Variants in APC observed in about 807,000 individuals in gnomAD.
APC encodes the protein APC regulator of Wnt signaling pathway, also known as adenomatous polyposis coli protein.
In APC, 72 loss-of-function variants were observed where a neutral mutation model predicts 247.0. The observed-to-expected ratio is 0.29, with a 90% CI of 0.24 to 0.35. APC has a LOEUF of 0.35. Ranked by LOEUF, APC falls within the 10% of genes least tolerant of loss-of-function variation. The pLI is 1.00. For synonymous variants in APC, 1,254 were observed against 1,162.5 expected (o/e 1.08, Z -1.60); for missense variants, 3,400 against 3,360.7 (o/e 1.01, Z -0.29).
intron 1 of APC, among the ~76,000 whole-genome samples, chr5:112,710,631 G>C (rs748824450): frequency 3.3e-5 from 5 of 152,180 alleles, no homozygotes; most frequent in Admixed American, 6.5e-5. Flanking sequence ...TAAAGCTTGA[G>C]TCTGCTATGC....
upstream of APC, among the ~76,000 whole-genome samples, chr5:112,733,881 T>G (rs1752227716): frequency 6.6e-6 from 1 of 152,188 alleles, no homozygotes; most frequent in African/African-American, 2.4e-5. Flanking sequence ...AGCAAAAGTG[T>G]GAAGAACTAT....
At chr5:112,792,420 T>A (rs779066167) in intron 6 of APC, 26 bp from the exon 7 acceptor site, 3 of 1,508,422 alleles carry the variant, frequency 2.0e-6, no homozygotes, top group Non-Finnish European at 2.7e-6. Context: ...AAAACATAAC[T>A]AATTAGGTTT....
chr5:112,829,425 C>T (rs922145284), intron 14 of APC: 1 of 174,368 alleles, frequency 5.7e-6, no homozygotes, highest in South Asian at 1.3e-4. Context: ...CGCAAGCCAT[C>T]ACGCCCAGCC....
intron 2 of APC, among the ~76,000 whole-genome samples, chr5:112,762,117 A>T (rs1420944099): frequency 6.6e-6 from 1 of 152,212 alleles, no homozygotes; most frequent in Non-Finnish European, 1.5e-5. Context: ...AAAAAGAAAG[A>T]TAAATGGCAG....
chr5:112,733,149 G>T (rs904347221), upstream of APC, among the ~76,000 whole-genome samples: 1 of 152,192 alleles, frequency 6.6e-6, no homozygotes, highest in African/African-American at 2.4e-5. Flanking sequence ...GAAACTATAA[G>T]TTTTAGAAAG....
intron 1 of APC, among the ~76,000 whole-genome samples, chr5:112,712,958 G>A (rs1750942785): frequency 6.6e-6 from 1 of 152,100 alleles, no homozygotes. Flanking sequence ...ATCACTTGAG[G>A]TTAGGAGTTT....
chr5:112,786,302 A>G (rs1413317282), intron 6 of APC, among the ~76,000 whole-genome samples: 2 of 152,242 alleles, frequency 1.3e-5, no homozygotes, highest in Non-Finnish European at 1.5e-5. Context: ...AGTTCATTAA[A>G]AAGATGGCAA....
In APC at chr5:112,839,217, C is replaced by T. The variant is rs752590375; in HGVS notation, c.3623C>T (p.Thr1208Ile). The part of the protein sequence containing the change: ...SKSSSGQSSK[T>I]EHMSSSSENT... ...AGTTCATCTGGACAAAGCAGTAAAA[C>T]CGAACATATGTCTTCAAGCAGTGAG... The change falls in exon 16 of 16, where the codon ACC (threonine) becomes ATC (isoleucine). Residue 1208 changes from threonine (T) to isoleucine (I), a missense_variant. Physicochemically the swap from Thr to Ile is moderately conservative, Grantham distance 89. Transcript: ENST00000257430. This position sits in a 1 kb window ranked among gnomAD's most constrained non-coding sequence, Gnocchi z 5.0. The T allele has an allele frequency of 8.7e-6, 14 of 1,614,008 alleles. No individual in the cohort carries two copies. Among genetic ancestry groups the T allele is most frequent in the Non-Finnish European group, 1.2e-5 (14 of 1,180,030 alleles).
At position 112,844,183 on chromosome 5, in the gene APC, C is replaced by T. The variant is rs1247376356; in HGVS notation, c.*57C>T. On this transcript the variant is annotated 3_prime_UTR_variant, in exon 16 of 16. Transcript: ENST00000257430. Reference sequence around the variant, plus strand: ...ATGTTAATTACAACTGCTATATAGACATTTTGTTTCAAATGAAACTTTAAA... The same window carrying T: ...ATGTTAATTACAACTGCTATATAGATATTTTGTTTCAAATGAAACTTTAAA... 3.4e-6 allele frequency: 5 copies of T among 1,455,266 alleles called. No individual in the cohort carries two copies. Among genetic ancestry groups the T allele is most frequent in the Non-Finnish European group, 4.7e-6 (5 of 1,059,248 alleles). 90.1% of individuals were successfully genotyped at this position (1,455,266 alleles called of 1,614,324 possible).
intron 14 of APC, among the ~76,000 whole-genome samples, chr5:112,832,643 C>G (rs1392799624): frequency 6.6e-6 from 1 of 152,178 alleles, no homozygotes; most frequent in African/African-American, 2.4e-5. Flanking sequence ...TCAGTACTCC[C>G]GCGCTGATTC....
Position 112,843,609 on chromosome 5 carries a change from G to A in APC, c.8015G>A (p.Gly2672Glu), listed in dbSNP as rs761802169. 3.7e-6 allele frequency: 6 copies of A among 1,613,838 alleles called. No individual in the cohort carries two copies. In the South Asian group the frequency reaches 6.6e-5, roughly 18 times the overall value. ...EDCPINNPRSGRSPTGNTPPV... is the reference protein window; with the variant it reads ...EDCPINNPRSERSPTGNTPPV... ...TGTCCCATTAACAATCCTAGATCTG[G>A]AAGATCTCCCACAGGTAATACTCCC... The change falls in exon 16 of 16, where the codon GGA (glycine) becomes GAA (glutamate). Residue 2672 changes from glycine (G) to glutamate (E), a missense_variant. Gly to Glu is a moderately conservative substitution (Grantham distance 98). Transcript: ENST00000257430. This position sits in a 1 kb window ranked among gnomAD's most constrained non-coding sequence, Gnocchi z 4.8.
At chr5:112,821,850 C>A in intron 10 of APC, 46 bp from the exon 11 acceptor site, 1 of 1,452,332 alleles carries the variant, frequency 6.9e-7, no homozygotes, top group South Asian at 1.1e-5. Context: ...CATCATTGCT[C>A]TTCAAATAAC....
chr5:112,811,945 A>G (rs993752597), intron 8 of APC, among the ~76,000 whole-genome samples: 2 of 152,096 alleles, frequency 1.3e-5, no homozygotes, highest in African/African-American at 2.4e-5. Context: ...ATCTGCTTCT[A>G]AGTTCACTTA....
chr5:112,770,999 T>C (rs1382990546), intron 4 of APC, among the ~76,000 whole-genome samples: 2 of 152,110 alleles, frequency 1.3e-5, no homozygotes, highest in African/African-American at 4.8e-5. Flanking sequence ...TACATCATAC[T>C]ATATATATTT....
intron 15 of APC, among the ~76,000 whole-genome samples, 172 bp downstream of exon 15, chr5:112,835,337 T>A (rs1419730998): frequency 3.9e-5 from 6 of 152,190 alleles, no homozygotes; most frequent in Admixed American, 3.3e-4. Context: ...CTTAATGTAA[T>A]AACAGTTTAT....
At chr5:112,781,122 C>G (rs1232375787) in intron 6 of APC, among the ~76,000 whole-genome samples, 1 of 152,138 alleles carries the variant, frequency 6.6e-6, no homozygotes, top group Non-Finnish European at 1.5e-5. Context: ...CTGTTCTGTT[C>G]TGCCTTGGAA....
intron 2 of APC, among the ~76,000 whole-genome samples, chr5:112,760,141 T>C (rs755545942): frequency 2.6e-5 from 4 of 152,092 alleles, no homozygotes; most frequent in African/African-American, 7.2e-5. Flanking sequence ...AGATTCATCA[T>C]TGGCACAAGC....
At chr5:112,801,555 A>G (rs572526838) in intron 8 of APC, among the ~76,000 whole-genome samples, 172 bp downstream of exon 8, 1 of 152,288 alleles carries the variant, frequency 6.6e-6, no homozygotes, top group East Asian at 1.9e-4. Flanking sequence ...TTATATCAGC[A>G]ATAATGCTGT....
chr5:112,769,342 C>T (rs746124094), intron 4 of APC, among the ~76,000 whole-genome samples: 1 of 152,016 alleles, frequency 6.6e-6, no homozygotes, highest in Non-Finnish European at 1.5e-5. Flanking sequence ...TGAGCCACTG[C>T]GCCTGGCCAA....
Sources: allele counts gnomAD v4.1 joint callset (sites outside exome capture counted in the v4.1 genomes callset), GRCh38; gene constraint gnomAD v4.1.1; non-coding constraint Gnocchi (gnomAD v3.1); transcripts MANE v1.5; gene names NCBI Gene and HGNC (gene_info 2026-07-23, HGNC 2026-07-21).